COL11A1: variants seen among roughly 807,000 people sequenced by gnomAD.
COL11A1 encodes the protein collagen type XI alpha 1 chain.
A neutral mutation model predicts 265.2 loss-of-function variants in COL11A1; 74 were observed. The observed-to-expected ratio is 0.28, with a 90% CI of 0.23 to 0.34. The LOEUF is 0.34. COL11A1 is among the 10% of genes least tolerant of loss of function. COL11A1 has a pLI of 1.00. For synonymous variants in COL11A1, 816 were observed against 727.6 expected (o/e 1.12, Z -1.96); for missense variants, 2,165 against 2,263.6 (o/e 0.96, Z 0.88).
chr1:102,955,601 T>C (rs1484941811), intron 41 of COL11A1, among the ~76,000 whole-genome samples: 2 of 152,180 alleles, frequency 1.3e-5, no homozygotes, highest in Admixed American at 1.3e-4. Flanking sequence ...TAAATAACTG[T>C]TGTTAATGAG....
At chr1:103,068,842 T>A (rs2102247218) in intron 4 of COL11A1, among the ~76,000 whole-genome samples, 1 of 149,264 alleles carries the variant, frequency 6.7e-6, no homozygotes, top group African/African-American at 2.5e-5. Flanking sequence ...TAAAAAAAAA[T>A]ACTTAGGAAA....
At chr1:102,947,307 T>G (rs533761912) in intron 41 of COL11A1, among the ~76,000 whole-genome samples, 1 of 152,262 alleles carries the variant, frequency 6.6e-6, no homozygotes, top group South Asian at 2.1e-4. Flanking sequence ...CCTACATAAA[T>G]TTCTCCCTGT....
chr1:102,974,816 GCT>G lies in COL11A1; in HGVS notation c.2808+12_2808+13del, dbSNP rs1557891709. 6.2e-7 allele frequency: 1 copy of G among 1,604,652 alleles called. No individual in the cohort carries two copies. The highest frequency in any genetic ancestry group is 8.5e-7 in the Non-Finnish European group (1 of 1,171,532). The stretch of plus-strand genomic sequence containing the variant: ...ATCAAATGAAGAAAGAGAAAGAGAA[GCT>G]CTGACACTTACAGGAGGGCCTTTTG... On this transcript the variant is annotated intron_variant, in intron 36 of 66. Transcript: ENST00000370096.
chr1:102,912,139 A>G lies in COL11A1; in HGVS notation c.4086+20T>C, dbSNP rs751128735. ...TGACTAATGAGCATATGTTTCAAATAAAGAATTAAAGAAACTTACTCGTTT... is the reference window on the plus strand; with the variant it reads ...TGACTAATGAGCATATGTTTCAAATGAAGAATTAAAGAAACTTACTCGTTT... On this transcript the variant is annotated intron_variant, in intron 54 of 66. Transcript: ENST00000370096. 2 of 1,598,368 alleles carry G rather than the reference A, an allele frequency of 1.3e-6. No individual in the cohort carries two copies. The highest frequency in any genetic ancestry group is 8.5e-7 in the Non-Finnish European group (1 of 1,169,860).
At chr1:102,978,199 T>G (rs977538688) in intron 35 of COL11A1, among the ~76,000 whole-genome samples, 3 of 152,184 alleles carry the variant, frequency 2.0e-5, no homozygotes, top group Admixed American at 6.5e-5. Context: ...TTCATATGTA[T>G]TTGGCTACAT....
At chr1:102,945,090 C>CA (rs1438354255) in intron 42 of COL11A1, among the ~76,000 whole-genome samples, 2 of 151,688 alleles carry the variant, frequency 1.3e-5, no homozygotes, top group Non-Finnish European at 2.9e-5. Context: ...AATGTGTCAC[C>CA]AAAAAAACAT....
At chr1:102,923,935 G>T (rs527751929) in intron 46 of COL11A1, among the ~76,000 whole-genome samples, 160 of 151,900 alleles carry the variant, frequency 1.1e-3, no homozygotes, top group Non-Finnish European at 1.6e-3. Context: ...CAGGCCGGGC[G>T]CAGTGGCTCA....
chr1:103,075,001 T>C (rs1671865508), intron 3 of COL11A1, among the ~76,000 whole-genome samples: 2 of 152,100 alleles, frequency 1.3e-5, no homozygotes, highest in South Asian at 2.1e-4. Flanking sequence ...AAATGCACAG[T>C]AGAATTAGCT....
chr1:102,987,358 T>C (rs1204114668), intron 30 of COL11A1, among the ~76,000 whole-genome samples: 1 of 136,650 alleles, frequency 7.3e-6, no homozygotes. Flanking sequence ...ACACTTGTCA[T>C]AGACATTTCT....
At chr1:102,949,349 C>G (rs938317361) in intron 41 of COL11A1, among the ~76,000 whole-genome samples, 28 of 151,906 alleles carry the variant, frequency 1.8e-4, no homozygotes, top group African/African-American at 6.8e-4. Flanking sequence ...AATTTAACTT[C>G]TGCAGTATTT....
chr1:102,946,563 A>C (rs1659296634), intron 42 of COL11A1, among the ~76,000 whole-genome samples: 1 of 150,146 alleles, frequency 6.7e-6, no homozygotes, highest in African/African-American at 2.5e-5. Context: ...TCAATAAAAA[A>C]CTCACAACTT....
intron 4 of COL11A1, 140 bp downstream of exon 4, chr1:103,074,478 C>G (rs1671819088): frequency 1.1e-6 from 1 of 873,616 alleles, no homozygotes; most frequent in Non-Finnish European, 1.8e-6. Flanking sequence ...CCACTATACT[C>G]ACAGAGGAAG....
chr1:103,035,418 T>A (rs546807860), intron 4 of COL11A1, among the ~76,000 whole-genome samples: 12 of 152,188 alleles, frequency 7.9e-5, no homozygotes, highest in African/African-American at 2.9e-4. Context: ...AAAACACACA[T>A]CCACTAATAA....
At chr1:103,019,132 T>C (rs1251007405) in intron 9 of COL11A1, among the ~76,000 whole-genome samples, 1 of 152,150 alleles carries the variant, frequency 6.6e-6, no homozygotes, top group Non-Finnish European at 1.5e-5. Context: ...TGCTAAGTGC[T>C]CCCAGGAAGA....
At chr1:102,978,663 A>G (rs199861624) in intron 35 of COL11A1, 45 bp downstream of exon 35, 143 of 1,589,516 alleles carry the variant, frequency 9.0e-5, no homozygotes, top group Non-Finnish European at 1.2e-4. Context: ...ATACTTGCAG[A>G]AATACTAATT....
intron 9 of COL11A1, among the ~76,000 whole-genome samples, chr1:103,020,892 A>T (rs970135820): frequency 1.4e-5 from 2 of 138,296 alleles, no homozygotes; most frequent in Admixed American, 7.1e-5. Flanking sequence ...CAAAGGTCAG[A>T]TAGTTGTAGA....
intron 20 of COL11A1, 22 bp from the exon 21 acceptor site, chr1:103,003,290 C>T (rs771148807): frequency 1.6e-5 from 25 of 1,607,186 alleles, no homozygotes; most frequent in African/African-American, 5.4e-5. Context: ...AGAAAAAGCA[C>T]GCCTTTATTA....
chr1:103,021,668 T>G (rs1327767063), intron 9 of COL11A1, 39 bp downstream of exon 9: 1 of 1,413,710 alleles, frequency 7.1e-7, no homozygotes, highest in Non-Finnish European at 1.0e-6. Context: ...TCATAAGCAA[T>G]TTTACCAACC....
intron 30 of COL11A1, among the ~76,000 whole-genome samples, chr1:102,986,676 A>G (rs1663586359): frequency 1.3e-5 from 2 of 152,322 alleles, no homozygotes; most frequent in Admixed American, 6.5e-5. Flanking sequence ...ATATAATGTA[A>G]TAACACTTGT....
Sources: allele counts gnomAD v4.1 joint callset (sites outside exome capture counted in the v4.1 genomes callset), GRCh38; gene constraint gnomAD v4.1.1; transcripts MANE v1.5; gene names NCBI Gene and HGNC (gene_info 2026-07-23, HGNC 2026-07-21).